Variants in VWA8 observed in about 807,000 individuals in gnomAD.
The protein encoded by VWA8 is von Willebrand factor A domain-containing protein 8.
In VWA8, 221 loss-of-function variants were observed where a neutral mutation model predicts 241.5. That is an observed-to-expected ratio of 0.91 (90% CI 0.82 to 1.02). The LOEUF is 1.02. Ranked by LOEUF, VWA8 falls within the 50% of genes least tolerant of loss-of-function variation. The pLI, the probability that VWA8 is intolerant of heterozygous loss-of-function variation, is 0.00. For missense variants in VWA8, 2,322 were observed against 2,328.7 expected (o/e 1.00, Z 0.06); for synonymous variants, 852 against 827.1 (o/e 1.03, Z -0.52).
At chr13:41,664,883 T>G (rs905374818) in intron 37 of VWA8, among the ~76,000 whole-genome samples, 1 of 152,168 alleles carries the variant, frequency 6.6e-6, no homozygotes, top group African/African-American at 2.4e-5. Flanking sequence ...TGATGTATAC[T>G]TTGCTGCATG....
At chr13:41,849,472 C>T (rs115375670) in intron 12 of VWA8, among the ~76,000 whole-genome samples, 1,588 of 152,290 alleles carry the variant, frequency 0.01, 30 homozygotes, top group African/African-American at 0.037. Flanking sequence ...TCATCACTAA[C>T]GTCACTAACC....
rs537427679 is a variant in VWA8, at chr13:41,684,988, CA to C, written c.4327+58del. On this transcript the variant is annotated intron_variant, in intron 35 of 44. Transcript: ENST00000379310. ...TAAAGATAAATTAAATATCCTCTAC[CA>C]AAAGGAAGCTACTTTAAACCACCTT... 79 of 1,415,574 alleles carry C rather than the reference CA, an allele frequency of 5.6e-5. No individual in the cohort carries two copies. In the East Asian group the frequency reaches 1.7e-3, roughly 31 times the overall value. The allele number at this position is 1,415,574 out of a possible 1,614,324, so 87.7% of individuals were successfully genotyped here.
intron 37 of VWA8, among the ~76,000 whole-genome samples, chr13:41,620,958 C>T (rs925580657): frequency 6.6e-6 from 1 of 152,068 alleles, no homozygotes; most frequent in Admixed American, 6.6e-5. Context: ...TGTGCTGTGA[C>T]TGATTCAATG....
intron 42 of VWA8, among the ~76,000 whole-genome samples, chr13:41,585,082 TAAA>T (rs60095224): frequency 6.9e-6 from 1 of 145,830 alleles, no homozygotes; most frequent in African/African-American, 2.5e-5. Context: ...TAACTGTCAA[TAAA>T]AAAAAAAAAA....
rs185945864 is a variant in VWA8 at position 41,877,059 on chromosome 13, A to G, written c.1080+6328T>C. ...TCAAAATACCTCTAGAACCAGGTCC[A>G]TATTTTCAAGTCTGCTAGATAAAAC... On this transcript the variant is annotated intron_variant, in intron 9 of 44. Coordinates refer to ENST00000379310, the MANE Select transcript of VWA8 (RefSeq NM_015058.2). 4.5e-4 allele frequency among the ~76,000 whole-genome samples: 69 copies of G among 152,176 alleles called. No individual in the cohort carries two copies. The East Asian group carries it at 0.012, about 26-fold the overall frequency.
In VWA8 at chr13:41,664,389, ATGTGTGTGTGTGTG is replaced by A. The variant is rs3073033; in HGVS notation, c.4611+6543_4611+6556del. ...TAAAATTTCAAGTGGACATGCTTTG[ATGTGTGTGTGTGTG>A]TGTGTGTGTGTGTGTGTGTGTGTGT... On this transcript the variant is annotated intron_variant, in intron 37 of 44. Transcript: ENST00000379310. Among the ~76,000 whole-genome samples, 23 of 137,966 alleles carry A rather than the reference ATGTGTGTGTGTGTG, an allele frequency of 1.7e-4. 1 individual carries two copies. Among genetic ancestry groups the A allele is most frequent in the South Asian group, 9.8e-4 (4 of 4,078 alleles). 90.5% of individuals were successfully genotyped at this position (137,966 alleles called of 152,430 possible).
intron 26 of VWA8, among the ~76,000 whole-genome samples, chr13:41,709,209 T>C (rs940470547): frequency 6.6e-6 from 1 of 152,202 alleles, no homozygotes; most frequent in African/African-American, 2.4e-5. Flanking sequence ...ATGTTTTCCT[T>C]ACTAGAGTGT....
In VWA8 at chr13:41,787,406, C is replaced by T. The variant is rs201241913; in HGVS notation, c.2170+31G>A. 1.0e-4 allele frequency: 155 copies of T among 1,499,426 alleles called. No individual in the cohort carries two copies. In the African/African-American group the frequency reaches 1.9e-3, roughly 18 times the overall value. 92.9% of individuals were successfully genotyped at this position (1,499,426 alleles called of 1,614,324 possible). ...CAAATGTTTGTTAATTATTATTTCACTTAAAAAAAAGAGCCAAATCAAATA... is the reference window on the plus strand; with the variant it reads ...CAAATGTTTGTTAATTATTATTTCATTTAAAAAAAAGAGCCAAATCAAATA... On this transcript the variant is annotated intron_variant, in intron 18 of 44. Transcript: ENST00000379310.
At chr13:41,885,377 T>C (rs1006206568) in intron 8 of VWA8, among the ~76,000 whole-genome samples, 2 of 152,246 alleles carry the variant, frequency 1.3e-5, no homozygotes, top group Non-Finnish European at 2.9e-5. Flanking sequence ...CTCTATCAGA[T>C]CCCCTCAGAT....
At chr13:41,642,574 A>G (rs1017696449) in intron 37 of VWA8, among the ~76,000 whole-genome samples, 2 of 147,632 alleles carry the variant, frequency 1.4e-5, no homozygotes, top group Non-Finnish European at 3.0e-5. Context: ...AAAAAAAAAA[A>G]AAAAGAAAAA....
chr13:41,653,393 C>T (rs1386284272), intron 37 of VWA8, among the ~76,000 whole-genome samples: 4 of 152,092 alleles, frequency 2.6e-5, no homozygotes, highest in African/African-American at 7.2e-5. Context: ...CAAAATACTG[C>T]TGAAAGAAAT....
At chr13:41,824,240 A>C (rs1871085259) in intron 14 of VWA8, among the ~76,000 whole-genome samples, 1 of 152,198 alleles carries the variant, frequency 6.6e-6, no homozygotes, top group African/African-American at 2.4e-5. Context: ...GAGGTGAAAG[A>C]TGAGGCTGGC....
intron 17 of VWA8, among the ~76,000 whole-genome samples, chr13:41,804,099 G>C (rs1049841115): frequency 2.6e-4 from 40 of 152,210 alleles, no homozygotes; most frequent in African/African-American, 9.4e-4. Flanking sequence ...AGAGGAGGTA[G>C]AGAGAGATCA....
Position 41,675,242 on chromosome 13 carries a change from T to C in VWA8, c.4382A>G (p.Lys1461Arg). The C allele has an allele frequency of 1.2e-6, 2 of 1,613,192 alleles. No individual in the cohort carries two copies. The highest frequency in any genetic ancestry group is 1.7e-5 in the Admixed American group (1 of 59,962). The change falls in exon 36 of 45, where the codon AAG becomes AGG. Residue 1461 changes from lysine (K) to arginine (R), a missense_variant. Physicochemically the swap from Lys to Arg is conservative, Grantham distance 26 (BLOSUM62 2). Transcript: ENST00000379310. Reference protein sequence around the residue: ...GYIEVTDLQSKKLRYIPIPRS... With the variant: ...GYIEVTDLQSRKLRYIPIPRS... Reference sequence around the variant, plus strand: ...GGGAATAGGGATATATCGGAGTTTCTTTGATTGAAGATCAGTGACTTCTAT... The same window carrying C: ...GGGAATAGGGATATATCGGAGTTTCCTTGATTGAAGATCAGTGACTTCTAT...
intron 20 of VWA8, among the ~76,000 whole-genome samples, chr13:41,763,519 TAGCACAGA>T (rs145106468): frequency 0.16 from 24,615 of 152,016 alleles, 2,104 homozygotes; most frequent in Non-Finnish European, 0.2. Flanking sequence ...GTTTCAAGCC[TAGCACAGA>T]AGCACAGAGG....
chr13:41,929,907 T>G (rs996223614), intron 2 of VWA8, among the ~76,000 whole-genome samples: 4 of 152,180 alleles, frequency 2.6e-5, no homozygotes, highest in Non-Finnish European at 5.9e-5. Context: ...ACTAAAAATC[T>G]TTTGCACAGC....
intron 9 of VWA8, among the ~76,000 whole-genome samples, chr13:41,874,800 T>C (rs144852749): frequency 6.6e-6 from 1 of 152,220 alleles, no homozygotes; most frequent in East Asian, 1.9e-4. Flanking sequence ...TGAACAAATA[T>C]GTTGCCACAA....
intron 21 of VWA8, among the ~76,000 whole-genome samples, chr13:41,748,508 G>A (rs925925648): frequency 3.3e-5 from 5 of 151,792 alleles, no homozygotes; most frequent in Admixed American, 3.3e-4. Context: ...TATTAGTCTT[G>A]CTAGCGGTCT....
At chr13:41,902,981 T>TA (rs1326325280) in intron 4 of VWA8, among the ~76,000 whole-genome samples, 1 of 152,180 alleles carries the variant, frequency 6.6e-6, no homozygotes, top group Non-Finnish European at 1.5e-5. Flanking sequence ...GCCATCAAGT[T>TA]ACAGGGATCA....
Sources: allele counts gnomAD v4.1 joint callset (sites outside exome capture counted in the v4.1 genomes callset), GRCh38; gene constraint gnomAD v4.1.1; transcripts MANE v1.5; gene names NCBI Gene and HGNC (gene_info 2026-07-23, HGNC 2026-07-21).